The following FDFT1 variants were observed in gnomAD, a reference collection of about 807,000 sequenced individuals.
The protein encoded by FDFT1 is squalene synthase.
A neutral mutation model predicts 46.8 loss-of-function variants in FDFT1; 68 were observed. The observed-to-expected ratio is 1.45, with a 90% CI of 1.19 to 1.78. The LOEUF (loss-of-function observed/expected upper bound fraction) is 1.78, where lower values mean the gene tolerates loss of function less well. Among genes scored for constraint, FDFT1 ranks in the 40% most tolerant of loss-of-function variants. The pLI is 0.00. For missense variants in FDFT1, 928 were observed against 524.4 expected, an observed-to-expected ratio of 1.77 and a Z score of -7.52; for synonymous variants, 351 against 185.1, an observed-to-expected ratio of 1.90 and a Z score of -7.28.
At chr8:11,809,874 C>T (rs760520251) in intron 3 of FDFT1, 24 bp downstream of exon 3, 117 of 1,585,630 alleles carry the variant, frequency 7.4e-5, no homozygotes, top group Non-Finnish European at 9.6e-5. Context: ...CGCATCTTGT[C>T]TACGGACTGT....
At chr8:11,832,152 T>G (rs936045686) in intron 7 of FDFT1, among the ~76,000 whole-genome samples, 1 of 152,176 alleles carries the variant, frequency 6.6e-6, no homozygotes, top group African/African-American at 2.4e-5. Flanking sequence ...CAAGTTGCAA[T>G]TATTTCCTAA....
chr8:11,798,355 C>T (rs1278744891), upstream of FDFT1, among the ~76,000 whole-genome samples: 1 of 152,208 alleles, frequency 6.6e-6, no homozygotes, highest in African/African-American at 2.4e-5. Context: ...CCACTGCACC[C>T]AGCCCAGTGT....
upstream of FDFT1, among the ~76,000 whole-genome samples, chr8:11,800,894 G>GGT (rs1316872131): frequency 6.6e-5 from 10 of 152,214 alleles, no homozygotes; most frequent in Non-Finnish European, 1.3e-4. Flanking sequence ...CCTTGGCCGA[G>GGT]GTGGGGAGTG....
upstream of FDFT1, chr8:11,802,533 A>C (rs1403875684): frequency 3.6e-6 from 2 of 551,204 alleles, no homozygotes; most frequent in Non-Finnish European, 6.9e-6. Flanking sequence ...GCCTCCAATG[A>C]GCTTCTAGAG....
intron 1 of FDFT1, 200 bp from the exon 2 acceptor site, chr8:11,808,594 C>T: frequency 7.2e-7 from 1 of 1,389,622 alleles, no homozygotes. Context: ...GCCGCGGCGC[C>T]CAGGGGCCCG....
upstream of FDFT1, chr8:11,802,673 T>G: frequency 1.6e-6 from 1 of 630,452 alleles, no homozygotes; most frequent in Non-Finnish European, 2.8e-6. Context: ...CCGAGGCCGG[T>G]TGAAGTGGGC....
chr8:11,809,292 A>G, intron 2 of FDFT1: 1 of 1,093,920 alleles, frequency 9.1e-7, no homozygotes, highest in Non-Finnish European at 1.1e-6. Context: ...AGTTGCCTTT[A>G]TGTATGATCG....
intron 3 of FDFT1, among the ~76,000 whole-genome samples, chr8:11,812,977 C>T (rs1347277015): frequency 6.6e-6 from 1 of 152,180 alleles, no homozygotes; most frequent in South Asian, 2.1e-4. Flanking sequence ...ATAGAGTGTA[C>T]TTACACATAC....
In FDFT1 at chr8:11,828,068, G is replaced by A. The variant is rs574285392; in HGVS notation, c.702+1853G>A. On this transcript the variant is annotated intron_variant, in intron 5 of 7. Transcript: ENST00000220584. Reference sequence around the variant, plus strand: ...ATTACAAAAATTAGCCAAGTGTGGTGGCATACGCTGGTAGGGCCAGCTACT... The same window carrying A: ...ATTACAAAAATTAGCCAAGTGTGGTAGCATACGCTGGTAGGGCCAGCTACT... Among the ~76,000 whole-genome samples, 6 of 152,142 alleles carry A rather than the reference G, an allele frequency of 3.9e-5. No homozygotes were observed. The East Asian group carries it at 1.2e-3, about 29-fold the overall frequency.
chr8:11,803,681 G>C (rs1165118425), intron 1 of FDFT1: 5 of 311,976 alleles, frequency 1.6e-5, no homozygotes, highest in Non-Finnish European at 2.8e-5. Flanking sequence ...GACCAGCCTG[G>C]CTGATTTCTG....
chr8:11,809,901 A>C (rs1399861108), intron 3 of FDFT1, 51 bp downstream of exon 3: 7 of 1,427,876 alleles, frequency 4.9e-6, no homozygotes, highest in Non-Finnish European at 6.8e-6. Context: ...CATAATTGCT[A>C]ACGTGGTTGT....
At chr8:11,809,282 A>T in intron 2 of FDFT1, 1 of 1,097,950 alleles carries the variant, frequency 9.1e-7, no homozygotes, top group Non-Finnish European at 1.1e-6. Context: ...AACTTAGACC[A>T]GTTGCCTTTA....
At chr8:11,820,539 G>C (rs977861929) in intron 3 of FDFT1, among the ~76,000 whole-genome samples, 2 of 152,168 alleles carry the variant, frequency 1.3e-5, no homozygotes, top group African/African-American at 4.8e-5. Flanking sequence ...TGTTTACACT[G>C]TGAGCATAGA....
At chr8:11,829,795 A>T (rs1390851301) in intron 5 of FDFT1, among the ~76,000 whole-genome samples, 1 of 151,976 alleles carries the variant, frequency 6.6e-6, no homozygotes, top group African/African-American at 2.4e-5. Context: ...TTCGTGAAAG[A>T]TGAGTCTGCA....
chr8:11,808,412 C>T, intron 1 of FDFT1: 7 of 1,254,982 alleles, frequency 5.6e-6, no homozygotes, highest in Non-Finnish European at 7.0e-6. Flanking sequence ...GTGGGTCGGC[C>T]CAGCGCGTAT....
intron 1 of FDFT1, among the ~76,000 whole-genome samples, chr8:11,804,453 T>TA (rs1806548564): frequency 6.6e-6 from 1 of 152,154 alleles, no homozygotes; most frequent in African/African-American, 2.4e-5. Flanking sequence ...GCTCTGATAA[T>TA]ATGGTGCAGT....
At chr8:11,807,432 G>A (rs1298388356) in intron 1 of FDFT1, among the ~76,000 whole-genome samples, 1 of 152,168 alleles carries the variant, frequency 6.6e-6, no homozygotes, top group Non-Finnish European at 1.5e-5. Context: ...CGAAGTGCAG[G>A]GATTATAGGC....
In FDFT1 at chr8:11,824,850, C is replaced by T. The variant is rs541706027; in HGVS notation, c.511-1174C>T. On this transcript the variant is annotated intron_variant, in intron 4 of 7. Coordinates refer to ENST00000220584, the MANE Select transcript of FDFT1 (RefSeq NM_004462.5). Reference sequence around the variant, plus strand: ...TCCTGGGTTCACGCCATTCTCCTGCCTTAGCCTTCTGAGTAGCTGGGACTA... The same window carrying T: ...TCCTGGGTTCACGCCATTCTCCTGCTTTAGCCTTCTGAGTAGCTGGGACTA... Among the ~76,000 whole-genome samples the T allele has an allele frequency of 3.3e-5, 5 of 152,310 alleles. No individual in the cohort carries two copies. In the East Asian group the frequency reaches 7.7e-4, roughly 24 times the overall value.
At chr8:11,835,456 C>T (rs905729220) in intron 7 of FDFT1, among the ~76,000 whole-genome samples, 1 of 152,154 alleles carries the variant, frequency 6.6e-6, no homozygotes, top group Non-Finnish European at 1.5e-5. Context: ...AAAGTTTTGC[C>T]ACTAATTGTA....
Sources: allele counts gnomAD v4.1 joint callset (sites outside exome capture counted in the v4.1 genomes callset), GRCh38; gene constraint gnomAD v4.1.1; transcripts MANE v1.5; gene names NCBI Gene and HGNC (gene_info 2026-07-23, HGNC 2026-07-21).